Variants in MDGA2 observed in about 807,000 individuals in gnomAD.
MDGA2 encodes the protein MAM domain-containing glycosylphosphatidylinositol anchor protein 2.
MDGA2 carries 40 observed loss-of-function variants against 117.8 expected under a neutral mutation model. The observed-to-expected ratio is 0.34, with a 90% CI of 0.26 to 0.44. MDGA2 has a LOEUF of 0.44. MDGA2 is among the 20% of genes least tolerant of loss of function. The probability of loss-of-function intolerance (pLI) is 1.00; values close to 1 mark genes in which losing one functional copy is unlikely to be tolerated. For missense variants in MDGA2, 1,123 were observed against 1,250.6 expected (o/e 0.90, Z 1.54); for synonymous variants, 452 against 439.0 (o/e 1.03, Z -0.37).
rs1418872389 is a variant in MDGA2 at position 47,675,334 on chromosome 14, AGAGGAG to A, written c.-544_-539del. 7.1e-6 allele frequency among the ~76,000 whole-genome samples: 1 copy of A among 139,898 alleles called. No individual in the cohort carries two copies. Among genetic ancestry groups the A allele is most frequent in the Non-Finnish European group, 1.6e-5 (1 of 64,274 alleles). 91.8% of individuals were successfully genotyped at this position (139,898 alleles called of 152,430 possible). On this transcript the variant is annotated 5_prime_UTR_variant, in exon 1 of 17. Transcript: ENST00000399232. Reference sequence around the variant, plus strand: ...GAGAGGAGGAAGAGGAGGAGGAGGAAGAGGAGGAGGAGGAAGAGGAGGAGTGGGGCT... The same window carrying A: ...GAGAGGAGGAAGAGGAGGAGGAGGAAGAGGAGGAAGAGGAGGAGTGGGGCT...
In MDGA2 at chr14:47,144,236, C is replaced by T; in HGVS notation, c.634G>A (p.Gly212Ser). The T allele has an allele frequency of 1.3e-6, 2 of 1,551,028 alleles. No individual in the cohort carries two copies. Among genetic ancestry groups the T allele is most frequent in the Non-Finnish European group, 1.7e-6 (2 of 1,146,624 alleles). The change falls in exon 4 of 17, where the codon GGT becomes AGT. Residue 212 changes from glycine (G) to serine (S), a missense_variant. Gly to Ser is a moderately conservative substitution (Grantham distance 56, BLOSUM62 0). Transcript: ENST00000399232. ...TAGTAAAATTGTTCTTTAGCTTCACCTATACTTTGATGAACAGTTACTACT... is the reference window on the plus strand; with the variant it reads ...TAGTAAAATTGTTCTTTAGCTTCACTTATACTTTGATGAACAGTTACTACT... ...DPVVTVHQSIGEAKEQFYYER... is the reference protein window; with the variant it reads ...DPVVTVHQSISEAKEQFYYER...
intron 1 of MDGA2, among the ~76,000 whole-genome samples, chr14:47,438,018 T>G (rs1237851670): frequency 6.6e-6 from 1 of 152,118 alleles, no homozygotes; most frequent in African/African-American, 2.4e-5. Context: ...GCTTGTCAAA[T>G]ATACATGGAG....
At chr14:47,147,525 G>A (rs1313818387) in intron 3 of MDGA2, among the ~76,000 whole-genome samples, 2 of 152,162 alleles carry the variant, frequency 1.3e-5, no homozygotes, top group African/African-American at 4.8e-5. Context: ...CTATCAACAG[G>A]TCATTCAATT....
chr14:47,531,375 C>T (rs867675866), intron 1 of MDGA2, among the ~76,000 whole-genome samples: 83 of 152,242 alleles, frequency 5.5e-4, no homozygotes, highest in Middle Eastern at 3.4e-3. Context: ...GGATACAAGA[C>T]GCACAATCAC....
chr14:47,454,461 C>T (rs1356204696), intron 1 of MDGA2, among the ~76,000 whole-genome samples: 1 of 152,136 alleles, frequency 6.6e-6, no homozygotes, highest in Non-Finnish European at 1.5e-5. Context: ...ATACATAAAA[C>T]ACAGGACCAA....
chr14:47,090,848 T>G (rs1879610028), intron 6 of MDGA2, among the ~76,000 whole-genome samples: 1 of 151,634 alleles, frequency 6.6e-6, no homozygotes, highest in African/African-American at 2.4e-5. Context: ...CCCTGAGGAG[T>G]CCAGCTGTAG....
chr14:47,166,192 G>A (rs1040671963), intron 3 of MDGA2, among the ~76,000 whole-genome samples: 3 of 151,586 alleles, frequency 2.0e-5, no homozygotes, highest in African/African-American at 7.3e-5. Context: ...CATGCCACCA[G>A]GCCCGGCTAA....
intron 8 of MDGA2, among the ~76,000 whole-genome samples, chr14:47,010,519 A>G (rs1887862297): frequency 6.6e-6 from 1 of 151,976 alleles, no homozygotes. Context: ...CTATTATAAA[A>G]CTGATTATTT....
intron 9 of MDGA2, among the ~76,000 whole-genome samples, chr14:46,944,179 G>A (rs1885091136): frequency 6.6e-6 from 1 of 151,348 alleles, no homozygotes; most frequent in African/African-American, 2.4e-5. Flanking sequence ...CCAATTCTCT[G>A]GCTTTTTTCA....
intron 9 of MDGA2, among the ~76,000 whole-genome samples, chr14:46,946,812 G>T (rs944134683): frequency 3.9e-5 from 6 of 151,982 alleles, no homozygotes; most frequent in African/African-American, 1.2e-4. Context: ...CAGGCCCAGG[G>T]AAAACTGACA....
At chr14:47,419,524 A>C (rs1892536852) in intron 1 of MDGA2, among the ~76,000 whole-genome samples, 1 of 152,070 alleles carries the variant, frequency 6.6e-6, no homozygotes, top group African/African-American at 2.4e-5. Flanking sequence ...ACATAATAAT[A>C]AACTTGATTT....
At chr14:47,451,156 C>T (rs1813437587) in intron 1 of MDGA2, among the ~76,000 whole-genome samples, 1 of 152,080 alleles carries the variant, frequency 6.6e-6, no homozygotes, top group South Asian at 2.1e-4. Flanking sequence ...TAAAGACTTG[C>T]TAAGCACCAT....
chr14:46,992,373 G>A (rs937528808), intron 8 of MDGA2, among the ~76,000 whole-genome samples: 1 of 152,038 alleles, frequency 6.6e-6, no homozygotes, highest in Non-Finnish European at 1.5e-5. Context: ...AGACGTTCAG[G>A]ACTATTCACC....
intron 3 of MDGA2, among the ~76,000 whole-genome samples, chr14:47,164,960 A>T (rs1304822375): frequency 6.6e-6 from 1 of 152,212 alleles, no homozygotes; most frequent in East Asian, 1.9e-4. Flanking sequence ...AGGGACTTGG[A>T]TGAAGCTGGA....
At chr14:47,613,073 AC>A (rs1473834870) in intron 1 of MDGA2, among the ~76,000 whole-genome samples, 3 of 152,180 alleles carry the variant, frequency 2.0e-5, no homozygotes, top group Non-Finnish European at 2.9e-5. Context: ...CCTTCCAAAC[AC>A]CAGCCATTGT....
At chr14:47,354,210 T>G (rs539733274) in intron 1 of MDGA2, among the ~76,000 whole-genome samples, 1 of 152,314 alleles carries the variant, frequency 6.6e-6, no homozygotes, top group African/African-American at 2.4e-5. Flanking sequence ...AGTGAATATT[T>G]GAAAATTTTT....
intron 1 of MDGA2, among the ~76,000 whole-genome samples, chr14:47,433,787 C>T (rs1301391773): frequency 6.6e-6 from 1 of 152,050 alleles, no homozygotes; most frequent in Non-Finnish European, 1.5e-5. Flanking sequence ...GCATTATCTG[C>T]TATTTAAATA....
intron 1 of MDGA2, among the ~76,000 whole-genome samples, chr14:47,457,811 T>C (rs1259203160): frequency 1.6e-4 from 8 of 49,702 alleles, no homozygotes; most frequent in Admixed American, 1.6e-3. Flanking sequence ...CATTTTTTTC[T>C]GTTTTTTTTT....
intron 1 of MDGA2, among the ~76,000 whole-genome samples, chr14:47,510,946 T>A (rs972762936): frequency 6.6e-6 from 1 of 152,216 alleles, no homozygotes; most frequent in African/African-American, 2.4e-5. Flanking sequence ...TCATTAAGTA[T>A]CTTGGCAAAA....
Sources: allele counts gnomAD v4.1 joint callset (sites outside exome capture counted in the v4.1 genomes callset), GRCh38; gene constraint gnomAD v4.1.1; transcripts MANE v1.5; gene names NCBI Gene and HGNC (gene_info 2026-07-23, HGNC 2026-07-21).